Variants in LAMA2 observed in about 807,000 individuals in gnomAD.
LAMA2 encodes laminin subunit alpha-2.
LAMA2 carries 269 observed loss-of-function variants against 364.8 expected under a neutral mutation model. The observed-to-expected ratio is 0.74, with a 90% CI of 0.67 to 0.82. The LOEUF is 0.82. LAMA2 is among the 40% of genes least tolerant of loss of function. The pLI is 0.00. For synonymous variants in LAMA2, 1,379 were observed against 1,370.6 expected (o/e 1.01, Z -0.14); for missense variants, 3,807 against 3,873.2 (o/e 0.98, Z 0.45).
At chr6:129,506,411 G>A (rs541551463) in intron 61 of LAMA2, among the ~76,000 whole-genome samples, 10 of 151,970 alleles carry the variant, frequency 6.6e-5, no homozygotes, top group African/African-American at 2.4e-4. Flanking sequence ...AGAGTAGCAG[G>A]CATATAAAAA....
chr6:129,455,402 A>T (rs1782907791), intron 47 of LAMA2, among the ~76,000 whole-genome samples: 1 of 152,166 alleles, frequency 6.6e-6, no homozygotes, highest in Non-Finnish European at 1.5e-5. Flanking sequence ...GGGTTTAAGG[A>T]CATTTATACT....
chr6:129,164,496 T>C (rs1039296465), intron 8 of LAMA2, among the ~76,000 whole-genome samples: 16 of 152,222 alleles, frequency 1.1e-4, no homozygotes, highest in African/African-American at 3.4e-4. Flanking sequence ...CACTGGTTTC[T>C]GTTATGTTCC....
intron 1 of LAMA2, among the ~76,000 whole-genome samples, chr6:128,937,891 C>A: frequency 6.7e-6 from 1 of 148,232 alleles, no homozygotes. Context: ...CATTTTAGAT[C>A]TTTTTTTTTA....
At chr6:129,471,036 CACTTAGCTTATAACA>C (rs540102787) in intron 51 of LAMA2, among the ~76,000 whole-genome samples, 42 of 151,818 alleles carry the variant, frequency 2.8e-4, no homozygotes, top group Non-Finnish European at 4.9e-4. Context: ...AAAGTAAAAA[CACTTAGCTTATAACA>C]ACTCAGCATT....
chr6:128,950,480 T>A (rs1020693662), intron 1 of LAMA2, among the ~76,000 whole-genome samples: 1 of 152,142 alleles, frequency 6.6e-6, no homozygotes, highest in African/African-American at 2.4e-5. Flanking sequence ...TATTTCTCCA[T>A]CTAAATTCTA....
intron 1 of LAMA2, among the ~76,000 whole-genome samples, chr6:128,901,552 C>T (rs1020890535): frequency 2.0e-5 from 3 of 152,068 alleles, no homozygotes; most frequent in African/African-American, 7.2e-5. Flanking sequence ...TTCTAGATGC[C>T]AGATGCTATA....
rs71714357 is a variant in LAMA2, at chr6:129,251,076, CTATATATATATA to C, written c.1884+881_1884+892del. Among the ~76,000 whole-genome samples the C allele has an allele frequency of 2.1e-3, 105 of 49,790 alleles. 1 individual carries two copies. Among genetic ancestry groups the C allele is most frequent in the Non-Finnish European group, 3.3e-3 (89 of 27,200 alleles). 32.7% of individuals were successfully genotyped at this position (49,790 alleles called of 152,430 possible). On this transcript the variant is annotated intron_variant, in intron 13 of 64. Coordinates refer to ENST00000421865, the MANE Select transcript of LAMA2 (RefSeq NM_000426.4). ...TCTCTCTCTCTCTCTCTCTCTCTCT[CTATATATATATA>C]TATATATATATATATATGGCAACTA... is the stretch of plus-strand genomic sequence containing the variant.
At chr6:129,189,685 C>T (rs1442966101) in intron 10 of LAMA2, among the ~76,000 whole-genome samples, 1 of 152,080 alleles carries the variant, frequency 6.6e-6, no homozygotes, top group African/African-American at 2.4e-5. Context: ...TGTCAAATTC[C>T]TATGCTTGCC....
rs1399615395 is a variant in LAMA2, at chr6:129,403,928, C to A, written c.5834C>A (p.Ala1945Asp). Residue 1945 changes from alanine (A) to aspartate (D), a missense_variant, in exon 40 of 65, where the codon GCC (alanine) becomes GAC (aspartate). Ala to Asp is a moderately radical substitution (Grantham distance 126). Transcript: ENST00000421865. The stretch of plus-strand genomic sequence containing the variant: ...GAAGCTGAGAAAGTTGCCAAAGAAG[C>A]CAAAGATCTTGCACATGAAGCTACA... ...IDEAEKVAKE[A>D]KDLAHEATKL... The A allele has an allele frequency of 2.3e-5, 37 of 1,613,756 alleles. No individual in the cohort carries two copies. Among genetic ancestry groups the A allele is most frequent in the Non-Finnish European group, 2.9e-5 (34 of 1,179,882 alleles).
intron 10 of LAMA2, among the ~76,000 whole-genome samples, chr6:129,184,425 C>T (rs531629381): frequency 6.6e-6 from 1 of 152,002 alleles, no homozygotes; most frequent in Non-Finnish European, 1.5e-5. Flanking sequence ...CTCTCCTTGA[C>T]CAAATTTTGG....
chr6:129,362,905 C>T (rs543246159), intron 32 of LAMA2, among the ~76,000 whole-genome samples: 2 of 152,318 alleles, frequency 1.3e-5, no homozygotes, highest in Admixed American at 1.3e-4. Context: ...GTAGAGAAGA[C>T]AGCAAGCAAA....
At chr6:129,316,939 AAAG>A (rs1377341323) in intron 27 of LAMA2, among the ~76,000 whole-genome samples, 2 of 152,244 alleles carry the variant, frequency 1.3e-5, no homozygotes, top group Non-Finnish European at 2.9e-5. Flanking sequence ...ATAATTGTAA[AAAG>A]AAGGAATAAC....
At chr6:129,190,958 A>G (rs1489637510) in intron 11 of LAMA2, among the ~76,000 whole-genome samples, 1 of 152,152 alleles carries the variant, frequency 6.6e-6, no homozygotes, top group Non-Finnish European at 1.5e-5. Context: ...GCCTTTTCAA[A>G]TCTGTGCAAA....
chr6:129,271,570 A>C (rs1447824629), intron 17 of LAMA2, among the ~76,000 whole-genome samples: 1 of 150,668 alleles, frequency 6.6e-6, no homozygotes, highest in East Asian at 2.0e-4. Flanking sequence ...CCCGGGTTCA[A>C]GCCATTCTCC....
At chr6:129,087,315 A>G (rs1774442207) in intron 3 of LAMA2, among the ~76,000 whole-genome samples, 1 of 152,210 alleles carries the variant, frequency 6.6e-6, no homozygotes, top group African/African-American at 2.4e-5. Flanking sequence ...GTAGGTCCTA[A>G]ATAAAATGTT....
chr6:129,179,774 T>A (rs1780821782), intron 10 of LAMA2, among the ~76,000 whole-genome samples: 1 of 152,142 alleles, frequency 6.6e-6, no homozygotes, highest in Non-Finnish European at 1.5e-5. Flanking sequence ...ATAAACTAAA[T>A]TGTTTCAGGA....
At chr6:129,396,557 C>A (rs1227283107) in intron 37 of LAMA2, among the ~76,000 whole-genome samples, 2 of 152,084 alleles carry the variant, frequency 1.3e-5, no homozygotes, top group African/African-American at 2.4e-5. Flanking sequence ...GCTTTGGATG[C>A]AGCCAACTAG....
intron 58 of LAMA2, among the ~76,000 whole-genome samples, chr6:129,498,512 CAAT>C (rs1424670243): frequency 6.6e-6 from 1 of 152,166 alleles, no homozygotes; most frequent in Non-Finnish European, 1.5e-5. Flanking sequence ...GCAGTGTTAA[CAAT>C]AATTCAGTTT....
rs576861947 is a variant in LAMA2, at chr6:129,433,383, T to C, written c.5969-5263T>C. Reference sequence around the variant, plus strand: ...CGGGTGCTCTTCTTTCCTACCCAGGTCTCAAGATCCTGCACTGGGTATTTA... The same window carrying C: ...CGGGTGCTCTTCTTTCCTACCCAGGCCTCAAGATCCTGCACTGGGTATTTA... On this transcript the variant is annotated intron_variant, in intron 41 of 64. Transcript: ENST00000421865. Among the ~76,000 whole-genome samples the C allele has an allele frequency of 2.0e-5, 3 of 152,272 alleles. No individual in the cohort carries two copies. The South Asian group carries it at 6.2e-4, about 32-fold the overall frequency.
Sources: allele counts gnomAD v4.1 joint callset (sites outside exome capture counted in the v4.1 genomes callset), GRCh38; gene constraint gnomAD v4.1.1; transcripts MANE v1.5; gene names NCBI Gene and HGNC (gene_info 2026-07-23, HGNC 2026-07-21).